RBFOX1: variants seen among roughly 807,000 people sequenced by gnomAD.
RBFOX1 encodes RNA binding fox-1 homolog 1.
RBFOX1 carries 8 observed loss-of-function variants against 57.7 expected under a neutral mutation model. The ratio of observed to expected loss-of-function variants is 0.14; its 90% CI spans 0.08 to 0.25. The LOEUF (loss-of-function observed/expected upper bound fraction) is 0.25, where lower values mean the gene tolerates loss of function less well. RBFOX1 is among the 10% of genes least tolerant of loss of function. RBFOX1 has a pLI of 1.00. For missense variants in RBFOX1, 611 were observed against 548.5 expected (o/e 1.11, Z -1.14); for synonymous variants, 326 against 222.4 (o/e 1.47, Z -4.15).
At chr16:5,351,789 C>T (rs948285465) in intron 1 of RBFOX1, among the ~76,000 whole-genome samples, 1 of 152,040 alleles carries the variant, frequency 6.6e-6, no homozygotes, top group Non-Finnish European at 1.5e-5. Context: ...GCTTTAGGCT[C>T]TAAGTCTCCA....
chr16:7,041,050 G>C lies in RBFOX1; in HGVS notation c.-15-11007G>C, dbSNP rs528183255. Among the ~76,000 whole-genome samples the C allele has an allele frequency of 2.7e-5, 4 of 150,830 alleles. No individual in the cohort carries two copies. The East Asian group carries it at 7.8e-4, about 29-fold the overall frequency. On this transcript the variant is annotated intron_variant, in intron 3 of 15. Coordinates refer to ENST00000550418, the MANE Select transcript of RBFOX1 (RefSeq NM_018723.4). Reference sequence around the variant, plus strand: ...CCTGCCTCAGCCCCCTGAGTAGCTGGGATTACAGGCAAGTGCCAACACGCC... The same window carrying C: ...CCTGCCTCAGCCCCCTGAGTAGCTGCGATTACAGGCAAGTGCCAACACGCC...
intron 4 of RBFOX1, among the ~76,000 whole-genome samples, chr16:6,010,112 G>T (rs1014504654): frequency 6.6e-6 from 1 of 151,994 alleles, no homozygotes; most frequent in Non-Finnish European, 1.5e-5. Flanking sequence ...GAATACTGAG[G>T]GTGCTGTGTT....
intron 3 of RBFOX1, among the ~76,000 whole-genome samples, chr16:5,795,910 C>G (rs917060730): frequency 7.2e-5 from 11 of 152,198 alleles, no homozygotes; most frequent in African/African-American, 2.7e-4. Context: ...TTTGTTTGCT[C>G]TACTGGAGAT....
chr16:7,335,602 A>C (rs1378385842), intron 4 of RBFOX1, among the ~76,000 whole-genome samples: 1 of 64,638 alleles, frequency 1.5e-5, no homozygotes, highest in Non-Finnish European at 2.9e-5. Context: ...AAAAAAAAAA[A>C]AAAAAAACCA....
rs1177185329 is a variant in RBFOX1, at chr16:6,303,805, CTTTT to C, written c.-126-13169_-126-13166del. Among the ~76,000 whole-genome samples, 661 of 70,382 alleles carry C rather than the reference CTTTT, an allele frequency of 9.4e-3. 4 individuals carry two copies. Among genetic ancestry groups the C allele is most frequent in the African/African-American group, 0.036 (632 of 17,608 alleles). The allele number at this position is 70,382 out of a possible 152,430, so 46.2% of individuals were successfully genotyped here. A position where few individuals can be genotyped will look rare whatever the true frequency, so the allele number is the denominator to read the frequency against. On this transcript the variant is annotated intron_variant, in intron 1 of 15. Coordinates refer to ENST00000550418, the MANE Select transcript of RBFOX1 (RefSeq NM_018723.4). ...TCTGGCTAACATGGTGAAACCCTGT[CTTTT>C]TTTTTTTTTTTTTTTTTTTTGAGAT...
At chr16:7,075,007 A>G (rs1305053510) in intron 4 of RBFOX1, among the ~76,000 whole-genome samples, 1 of 152,172 alleles carries the variant, frequency 6.6e-6, no homozygotes, top group Non-Finnish European at 1.5e-5. Context: ...GGTGAGAATT[A>G]AAGAAAAAGA....
At chr16:6,979,646 G>A (rs1465428041) in intron 3 of RBFOX1, among the ~76,000 whole-genome samples, 1 of 152,156 alleles carries the variant, frequency 6.6e-6, no homozygotes, top group African/African-American at 2.4e-5. Context: ...CTTTTGGGTT[G>A]CAGAAATAAG....
rs1486109153 is a variant in RBFOX1, at chr16:5,408,753, A to G, written c.220-58463A>G. ...TCAGGAAGCTTTCAGTCATGGCAGAAGGTGAAGCAGGAGCAGGCACTTCCC... is the reference window on the plus strand; with the variant it reads ...TCAGGAAGCTTTCAGTCATGGCAGAGGGTGAAGCAGGAGCAGGCACTTCCC... On this transcript the variant is annotated intron_variant, in intron 1 of 2. Coordinates refer to the RBFOX1 transcript ENST00000585867. Among the ~76,000 whole-genome samples, 4 of 152,216 alleles carry G rather than the reference A, an allele frequency of 2.6e-5. No homozygotes were observed. In the East Asian group the frequency reaches 5.8e-4, roughly 22 times the overall value.
intron 1 of RBFOX1, among the ~76,000 whole-genome samples, chr16:6,080,443 A>T (rs995023629): frequency 3.9e-5 from 6 of 152,178 alleles, no homozygotes; most frequent in African/African-American, 1.4e-4. Context: ...TGCACCAAGC[A>T]TTGGCCTGTG....
intron 14 of RBFOX1, among the ~76,000 whole-genome samples, chr16:7,707,268 G>C (rs570014308): frequency 2.6e-5 from 4 of 152,214 alleles, no homozygotes; most frequent in South Asian, 4.1e-4. Flanking sequence ...GTCTAACTTG[G>C]AGTCTGAGAA....
At chr16:6,340,971 G>A (rs911623344) in intron 2 of RBFOX1, among the ~76,000 whole-genome samples, 24 of 152,154 alleles carry the variant, frequency 1.6e-4, no homozygotes, top group African/African-American at 5.6e-4. Flanking sequence ...AGGGGAAGGG[G>A]TGGACAGAGA....
At chr16:6,795,896 T>C (rs969348791) in intron 3 of RBFOX1, among the ~76,000 whole-genome samples, 3 of 152,168 alleles carry the variant, frequency 2.0e-5, no homozygotes, top group Non-Finnish European at 2.9e-5. Flanking sequence ...CCTTTTATGT[T>C]CTTATGTTTT....
chr16:7,623,476 C>G (rs1325015991), intron 10 of RBFOX1, among the ~76,000 whole-genome samples: 1 of 152,112 alleles, frequency 6.6e-6, no homozygotes, highest in Non-Finnish European at 1.5e-5. Flanking sequence ...AACACACAAC[C>G]AAGATCCCTA....
intron 4 of RBFOX1, among the ~76,000 whole-genome samples, chr16:7,104,531 C>G (rs1356962194): frequency 2.0e-5 from 3 of 152,052 alleles, no homozygotes; most frequent in African/African-American, 7.2e-5. Flanking sequence ...AATGGCTTAC[C>G]TAAGATTACG....
intron 4 of RBFOX1, among the ~76,000 whole-genome samples, chr16:7,312,128 C>T (rs953496798): frequency 2.0e-5 from 3 of 152,184 alleles, no homozygotes; most frequent in Admixed American, 6.5e-5. Flanking sequence ...GCCTGTAATC[C>T]CAGCACTTTA....
At chr16:5,890,144 A>G (rs1243757547) in intron 4 of RBFOX1, among the ~76,000 whole-genome samples, 1 of 152,108 alleles carries the variant, frequency 6.6e-6, no homozygotes, top group East Asian at 1.9e-4. Flanking sequence ...GAGCTTGGGG[A>G]TGAGACCTGG....
At chr16:6,878,449 A>C (rs1213158635) in intron 3 of RBFOX1, among the ~76,000 whole-genome samples, 1 of 152,174 alleles carries the variant, frequency 6.6e-6, no homozygotes, top group Non-Finnish European at 1.5e-5. Context: ...TTGAGAAGCA[A>C]CACCACCCTG....
At chr16:6,615,240 G>C (rs548713284) in intron 2 of RBFOX1, among the ~76,000 whole-genome samples, 6 of 152,256 alleles carry the variant, frequency 3.9e-5, no homozygotes, top group African/African-American at 9.6e-5. Context: ...CTTCCCAGTG[G>C]ATTTAGACTA....
chr16:5,405,007 A>G (rs543423666), intron 1 of RBFOX1, among the ~76,000 whole-genome samples: 3 of 152,360 alleles, frequency 2.0e-5, no homozygotes, highest in South Asian at 2.1e-4. Context: ...TTTACATGCA[A>G]TAATTCATTC....
Sources: gnomAD v4.1 joint callset for allele counts (sites outside exome capture counted in the v4.1 genomes callset) on GRCh38, gnomAD v4.1.1 for gene constraint, MANE v1.5 for transcripts, NCBI Gene and HGNC (gene_info 2026-07-23, HGNC 2026-07-21) for gene names.